Variants in FAAH2 observed in about 807,000 individuals in gnomAD.
FAAH2 encodes fatty-acid amide hydrolase 2.
FAAH2 carries 60 observed loss-of-function variants against 36.9 expected under a neutral mutation model. The observed-to-expected ratio is 1.63, with a 90% confidence interval of 1.32 to 2.02. FAAH2 has a LOEUF of 2.02. Ranked by LOEUF, FAAH2 falls within the 30% of genes most tolerant of loss-of-function variation. The probability of loss-of-function intolerance (pLI) is 0.00; values close to 1 mark genes in which losing one functional copy is unlikely to be tolerated. For synonymous variants in FAAH2, 214 were observed against 143.8 expected (o/e 1.49, Z -3.49); for missense variants, 689 against 397.5 (o/e 1.73, Z -6.23).
intron 5 of FAAH2, among the ~76,000 whole-genome samples, chrX:57,353,487 T>TAAAA (rs3035714): frequency 0.022 from 1,881 of 83,704 alleles, 42 homozygotes; most frequent in South Asian, 0.072. Flanking sequence ...CCCAAATTAT[T>TAAAA]AAAAAAAAAA....
chrX:57,451,683 A>G (rs2056786140), intron 10 of FAAH2, among the ~76,000 whole-genome samples: 1 of 111,621 alleles, frequency 9.0e-6, no homozygotes, highest in African/African-American at 3.3e-5. Context: ...GGGTATAAAC[A>G]CTACACTAAC....
At chrX:57,486,309 T>C (rs1449110653) in intron 10 of FAAH2, among the ~76,000 whole-genome samples, 4 of 111,230 alleles carry the variant, frequency 3.6e-5, no homozygotes, top group Admixed American at 9.6e-5. Context: ...TTAAAGAGAA[T>C]ATTAAGTGTT....
intron 10 of FAAH2, among the ~76,000 whole-genome samples, chrX:57,464,726 C>A (rs1382789528): frequency 1.8e-5 from 2 of 110,651 alleles, no homozygotes; most frequent in African/African-American, 3.3e-5. Flanking sequence ...CCTGAACAAC[C>A]ACATGTTGGG....
At chrX:57,414,359 A>C (rs1380866367) in intron 7 of FAAH2, among the ~76,000 whole-genome samples, 1 of 112,118 alleles carries the variant, frequency 8.9e-6, no homozygotes, top group Non-Finnish European at 1.9e-5. Flanking sequence ...GGTTTGTCAT[A>C]AATAGCTCTT....
intron 5 of FAAH2, 124 bp downstream of exon 5, chrX:57,341,514 A>G (rs1167957009): frequency 2.4e-6 from 2 of 831,390 alleles, no homozygotes; most frequent in Non-Finnish European, 3.3e-6. Context: ...ATGTTCTTAA[A>G]TAAAACTAGC....
chrX:57,196,558 T>C, the FAAH2 span, among the ~76,000 whole-genome samples: 1 of 111,718 alleles, frequency 9.0e-6, no homozygotes. Flanking sequence ...TTTATTTCTT[T>C]CTCTTGAATG....
chrX:57,424,190 C>A (rs1318373015), intron 7 of FAAH2, among the ~76,000 whole-genome samples: 1 of 112,099 alleles, frequency 8.9e-6, no homozygotes, highest in African/African-American at 3.2e-5. Context: ...CCCTGCTACT[C>A]CAGTCAGTCC....
At chrX:57,235,366 G>A in the FAAH2 span, among the ~76,000 whole-genome samples, 8 of 111,496 alleles carry the variant, frequency 7.2e-5, no homozygotes, top group South Asian at 2.3e-3. Flanking sequence ...CCCTTTCCTG[G>A]CATGCCTTTA....
intron 10 of FAAH2, among the ~76,000 whole-genome samples, chrX:57,453,160 T>C (rs2056813535): frequency 8.9e-6 from 1 of 112,269 alleles, no homozygotes; most frequent in Non-Finnish European, 1.9e-5. Flanking sequence ...AAGCAGAATA[T>C]GGAAGATCTT....
the FAAH2 span, among the ~76,000 whole-genome samples, chrX:57,152,175 C>A: frequency 8.9e-6 from 1 of 111,963 alleles, no homozygotes; most frequent in Non-Finnish European, 1.9e-5. Context: ...GTCAGTCTGC[C>A]CCTACTGGGG....
At chrX:57,435,718 A>G (rs183131029) in intron 8 of FAAH2, among the ~76,000 whole-genome samples, 1 of 111,220 alleles carries the variant, frequency 9.0e-6, no homozygotes, top group African/African-American at 3.3e-5. Context: ...ACATCTAAAG[A>G]GAGAGGTGGA....
chrX:57,270,366 A>G, the FAAH2 span, among the ~76,000 whole-genome samples: 3 of 111,919 alleles, frequency 2.7e-5, no homozygotes, highest in East Asian at 8.5e-4. Flanking sequence ...AATTCATTCT[A>G]TGAGGTCAGC....
At chrX:57,296,106 G>C (rs940174855) in intron 2 of FAAH2, among the ~76,000 whole-genome samples, 1 of 112,026 alleles carries the variant, frequency 8.9e-6, no homozygotes. Context: ...AGAGAGTAGT[G>C]GTTCTCCCAG....
chrX:57,444,189 C>T (rs1426973016), intron 8 of FAAH2, among the ~76,000 whole-genome samples: 1 of 112,556 alleles, frequency 8.9e-6, no homozygotes, highest in Non-Finnish European at 1.9e-5. Context: ...TTTTGTTCAG[C>T]TCTGCCCTGC....
the FAAH2 span, among the ~76,000 whole-genome samples, chrX:57,277,441 T>A: frequency 8.9e-6 from 1 of 111,804 alleles, no homozygotes; most frequent in Non-Finnish European, 1.9e-5. Flanking sequence ...ATAGGATCTA[T>A]TTATGACAAA....
At chrX:57,463,951 C>A (rs2057004916) in intron 10 of FAAH2, among the ~76,000 whole-genome samples, 2 of 111,972 alleles carry the variant, frequency 1.8e-5, no homozygotes, top group African/African-American at 6.5e-5. Context: ...GACAGATCCA[C>A]ACATATGTTT....
At chrX:57,305,296 A>G (rs1347990950) in intron 2 of FAAH2, among the ~76,000 whole-genome samples, 2 of 111,310 alleles carry the variant, frequency 1.8e-5, no homozygotes, top group Admixed American at 1.9e-4. Context: ...AATCAAACTC[A>G]TGAAATGAAA....
intron 3 of FAAH2, among the ~76,000 whole-genome samples, chrX:57,327,975 C>G (rs990790626): frequency 9.0e-6 from 1 of 111,381 alleles, no homozygotes; most frequent in Non-Finnish European, 1.9e-5. Context: ...GTGGTTTTAT[C>G]TACCTTTGGT....
At chrX:57,238,048 G>A in the FAAH2 span, among the ~76,000 whole-genome samples, 19 of 111,858 alleles carry the variant, frequency 1.7e-4, 1 homozygote, top group African/African-American at 6.2e-4. Flanking sequence ...CACTGTTTGT[G>A]GGTGTGTTAA....
Sources: allele counts gnomAD v4.1 joint callset (sites outside exome capture counted in the v4.1 genomes callset), GRCh38; gene constraint gnomAD v4.1.1; transcripts MANE v1.5; gene names NCBI Gene and HGNC (gene_info 2026-07-23, HGNC 2026-07-21).